Variants in RNF44 observed in about 807,000 individuals in gnomAD.
The protein encoded by RNF44 is ring finger protein 44.
A neutral mutation model predicts 53.6 loss-of-function variants in RNF44; 25 were observed. The observed-to-expected ratio is 0.47, with a 90% CI of 0.34 to 0.65. The LOEUF (loss-of-function observed/expected upper bound fraction) is 0.65. RNF44 is among the 30% of genes least tolerant of loss of function. The pLI, the probability that RNF44 is intolerant of heterozygous loss-of-function variation, is 0.01. For missense variants in RNF44, 581 were observed against 595.5 expected (o/e 0.98, Z 0.25); for synonymous variants, 282 against 252.2 (o/e 1.12, Z -1.12).
upstream of RNF44, among the ~76,000 whole-genome samples, chr5:176,541,072 G>A (rs994251579): frequency 2.0e-5 from 3 of 152,254 alleles, no homozygotes; most frequent in East Asian, 1.9e-4. Context: ...TACTTTCATC[G>A]CACAGAGGAA....
chr5:176,534,296 T>A (rs1432319149), intron 1 of RNF44, among the ~76,000 whole-genome samples: 1 of 152,248 alleles, frequency 6.6e-6, no homozygotes, highest in Non-Finnish European at 1.5e-5. Context: ...GCAAGCCTGG[T>A]CCCACTTGTT....
At position 176,529,095 on chromosome 5, in the gene RNF44, G is replaced by A. The variant is rs1445342567; in HGVS notation, c.1237-5C>T. ...GATGGGACACGTCCGGTTGGCCTGT[G>A]GGAACATGCACGTCAGGCGTTGCTC... On this transcript the variant is annotated splice_polypyrimidine_tract_variant and splice_region_variant and intron_variant, in intron 10 of 10. Coordinates refer to ENST00000274811, the MANE Select transcript of RNF44 (RefSeq NM_014901.5). 1.2e-6 allele frequency: 2 copies of A among 1,613,046 alleles called. No individual in the cohort carries two copies. Among genetic ancestry groups the A allele is most frequent in the African/African-American group, 2.7e-5 (2 of 74,910 alleles).
upstream of RNF44, among the ~76,000 whole-genome samples, chr5:176,541,639 G>A (rs888089730): frequency 6.6e-6 from 1 of 152,164 alleles, no homozygotes; most frequent in African/African-American, 2.4e-5. Flanking sequence ...GAGGCAGGAA[G>A]AGGAGGGCGT....
chr5:176,529,623 G>C lies in RNF44; in HGVS notation c.1036C>G (p.Arg346Gly). The change falls in exon 9 of 11, where the codon CGG (arginine) becomes GGG (glycine). Residue 346 changes from arginine to glycine, a missense_variant. Arg to Gly is a moderately radical substitution (Grantham distance 125). Around this residue, in one of 3 missense-constraint regions of RNF44, gnomAD observed 183 missense variants for 198.6 expected, o/e 0.92. Transcript: ENST00000274811. ...CCCCGGGGCTTGGCATCTCCCAGCC[G>C]CTCGGCCAGGTTCAGGAGGGCCTGC... Reference protein sequence around the residue: ...NYEALLNLAERLGDAKPRGLT... With the variant: ...NYEALLNLAEGLGDAKPRGLT... 3 of 1,613,876 alleles carry C rather than the reference G, an allele frequency of 1.9e-6. No homozygotes were observed. Among genetic ancestry groups the C allele is most frequent in the Non-Finnish European group, 2.5e-6 (3 of 1,179,986 alleles).
At chr5:176,539,221 G>A (rs1757389464), upstream of RNF44, among the ~76,000 whole-genome samples, 1 of 152,196 alleles carries the variant, frequency 6.6e-6, no homozygotes, top group Non-Finnish European at 1.5e-5. Context: ...CAGTGCTATC[G>A]ATGCTCCCTG....
chr5:176,535,888 G>A (rs1295518894), intron 1 of RNF44: 2 of 152,168 alleles, frequency 1.3e-5, no homozygotes, highest in African/African-American at 4.8e-5. Context: ...TCCCGTCGCT[G>A]AGCCCCGTCC....
At chr5:176,530,808 C>T in intron 5 of RNF44, 40 bp downstream of exon 5, 6 of 1,463,460 alleles carry the variant, frequency 4.1e-6, no homozygotes, top group Non-Finnish European at 4.5e-6. Flanking sequence ...TGCCTCCCCC[C>T]ACGCCATCTC....
Position 176,532,986 on chromosome 5 carries a change from G to A in RNF44, c.-44-470C>T, listed in dbSNP as rs1756844707. ...AAATGGGACCCAGTCCCCCTCAGTT[G>A]CGGAGCTCAGCGAGCTGGCCAGCGT... On this transcript the variant is annotated intron_variant, in intron 1 of 10. Coordinates refer to ENST00000274811, the MANE Select transcript of RNF44 (RefSeq NM_014901.5). 3.3e-5 allele frequency among the ~76,000 whole-genome samples: 5 copies of A among 152,152 alleles called. No individual in the cohort carries two copies. The South Asian group carries it at 1.0e-3, about 32-fold the overall frequency.
rs1756674609 is a variant in RNF44 at position 176,531,625 on chromosome 5, G to C, written c.303C>G (p.His101Gln). ...TGTAGGACAGAGGGACAGGTCCCTG[G>C]TGCACCTGTGGGTGGAGAGAACGCC... ...PFMVDLHEQV[H>Q]QGPVPLSYTV... The change falls in exon 4 of 11, where the codon CAC (histidine) becomes CAG (glutamine). Residue 101 changes from histidine to glutamine, a missense_variant. Physicochemically the swap from His to Gln is conservative, Grantham distance 24. This residue lies in a region of RNF44 where 387 missense variants were observed against 366.0 expected (regional missense o/e 1.06). Coordinates refer to ENST00000274811, the MANE Select transcript of RNF44 (RefSeq NM_014901.5). This position sits in a 1 kb window ranked among gnomAD's most constrained non-coding sequence, Gnocchi z 4.2. 6.2e-7 allele frequency: 1 copy of C among 1,609,534 alleles called. No individual in the cohort carries two copies. Among genetic ancestry groups the C allele is most frequent in the Non-Finnish European group, 8.5e-7 (1 of 1,177,316 alleles).
Position 176,531,897 on chromosome 5 carries a change from C to A in RNF44, c.297+107G>T. 8.0e-7 allele frequency: 1 copy of A among 1,255,684 alleles called. No individual in the cohort carries two copies. Among genetic ancestry groups the A allele is most frequent in the South Asian group, 1.5e-5 (1 of 65,904 alleles). 77.8% of individuals were successfully genotyped at this position (1,255,684 alleles called of 1,614,324 possible). ...CTGTAAAGCAGGGCCAATAATGCCT[C>A]CCTGGAACGTGAAATGAAGCAAGCT... On this transcript the variant is annotated intron_variant, in intron 3 of 10. Coordinates refer to ENST00000274811, the MANE Select transcript of RNF44 (RefSeq NM_014901.5). This position sits in a 1 kb window ranked among gnomAD's most constrained non-coding sequence, Gnocchi z 4.2.
At position 176,531,250 on chromosome 5, in the gene RNF44, G is replaced by A. The variant is rs1421839392; in HGVS notation, c.465+213C>T. 6.6e-6 allele frequency among the ~76,000 whole-genome samples: 1 copy of A among 152,264 alleles called. No homozygotes were observed. Among genetic ancestry groups the A allele is most frequent in the Admixed American group, 6.5e-5 (1 of 15,294 alleles). On this transcript the variant is annotated intron_variant, in intron 4 of 10. Transcript: ENST00000274811. The surrounding 1 kb of genome is among the most constrained non-coding windows in gnomAD (Gnocchi z 4.2). ...GGGCCTCTGCCAAGCTGTGAGGCAG[G>A]TACAGGGGTACTGGAAGGTTCCTGA...
upstream of RNF44, chr5:176,542,738 G>C (rs1339803286): frequency 6.6e-6 from 1 of 152,314 alleles, no homozygotes. Flanking sequence ...GACTCTCTCC[G>C]GACCCCGCAG....
At chr5:176,537,648 T>G (rs1489934416), upstream of RNF44, 1 of 152,170 alleles carries the variant, frequency 6.6e-6, no homozygotes, top group African/African-American at 2.4e-5. Flanking sequence ...CTATGCAAAC[T>G]CGCTAACTAC....
At position 176,530,917 on chromosome 5, in the gene RNF44, T is replaced by TGG; in HGVS notation, c.568_569dup (p.Pro191HisfsTer83). ...GCGCCATGTGGGTGGGCTGGGGGGGTGGGGCCGGTGGTGGGGGGTGCAGGA... is the reference window on the plus strand; with the variant it reads ...GCGCCATGTGGGTGGGCTGGGGGGGTGGGGGGCCGGTGGTGGGGGGTGCAGGA... On this transcript the variant is annotated frameshift_variant, in exon 5 of 11. Coordinates refer to ENST00000274811, the MANE Select transcript of RNF44 (RefSeq NM_014901.5). LOFTEE classifies it high-confidence loss of function. 4.3e-6 allele frequency: 1 copy of TGG among 232,856 alleles called. No homozygotes were observed. Among genetic ancestry groups the TGG allele is most frequent in the Non-Finnish European group, 7.0e-6 (1 of 143,578 alleles). 14.4% of individuals were successfully genotyped at this position (232,856 alleles called of 1,614,324 possible).
At position 176,528,990 on chromosome 5, in the gene RNF44, T is replaced by C. The variant is rs1293885713; in HGVS notation, c.*38A>G. The C allele has an allele frequency of 6.3e-7, 1 of 1,597,158 alleles. No homozygotes were observed. Among genetic ancestry groups the C allele is most frequent in the Non-Finnish European group, 8.5e-7 (1 of 1,170,600 alleles). ...GGCCCCACCCACAAGTTTCCAGAGC[T>C]TCAGGCAGGGTTCTCCCGGGCAGGC... On this transcript the variant is annotated 3_prime_UTR_variant, in exon 11 of 11. Transcript: ENST00000274811.
Position 176,531,901 on chromosome 5 carries a change from G to T in RNF44, c.297+103C>A. The T allele has an allele frequency of 7.8e-7, 1 of 1,283,514 alleles. No individual in the cohort carries two copies. Among genetic ancestry groups the T allele is most frequent in the Non-Finnish European group, 1.1e-6 (1 of 935,214 alleles). 79.5% of individuals were successfully genotyped at this position (1,283,514 alleles called of 1,614,324 possible). On this transcript the variant is annotated intron_variant, in intron 3 of 10. Transcript: ENST00000274811. The surrounding 1 kb of genome is among the most constrained non-coding windows in gnomAD (Gnocchi z 4.2). ...AAAGCAGGGCCAATAATGCCTCCCT[G>T]GAACGTGAAATGAAGCAAGCTAGGT...
chr5:176,532,278 C>A, intron 2 of RNF44, 85 bp from the exon 3 acceptor site: 1 of 1,516,892 alleles, frequency 6.6e-7, no homozygotes, highest in East Asian at 2.4e-5. Flanking sequence ...TGACTCCCCC[C>A]ATGGGGAGGG....
chr5:176,543,315 T>G, the RNF44 span, among the ~76,000 whole-genome samples: 1 of 147,176 alleles, frequency 6.8e-6, no homozygotes, highest in Non-Finnish European at 1.5e-5. This position sits in a 1 kb window ranked among gnomAD's most constrained non-coding sequence, Gnocchi z 4.0. Context: ...TCGCTCCCGC[T>G]GCAGCCCAGG....
At position 176,528,735 on chromosome 5, in the gene RNF44, C is replaced by G; in HGVS notation, c.*293G>C. 2.1e-6 allele frequency: 1 copy of G among 487,120 alleles called. No individual in the cohort carries two copies. The highest frequency in any genetic ancestry group is 3.7e-6 in the Non-Finnish European group (1 of 272,484). The allele number at this position is 487,120 out of a possible 1,614,324, so 30.2% of individuals were successfully genotyped here. On this transcript the variant is annotated 3_prime_UTR_variant, in exon 11 of 11. Transcript: ENST00000274811. ...GCGGACCCCTGGCACTCAGTGCCAG[C>G]AGGAAAAGGAGGGACCTGAGGGTGC...
Sources: gnomAD v4.1 joint callset for allele counts (sites outside exome capture counted in the v4.1 genomes callset) on GRCh38, gnomAD v4.1.1 for gene constraint, gnomAD v4.1.1 regional missense constraint, Gnocchi (gnomAD v3.1) non-coding constraint, MANE v1.5 for transcripts, NCBI Gene and HGNC (gene_info 2026-07-23, HGNC 2026-07-21) for gene names.